The following HDAC4 variants were observed in gnomAD, a reference collection of about 807,000 sequenced individuals.
HDAC4 encodes the protein histone deacetylase 4, also known as histone deacetylase A.
In HDAC4, 16 loss-of-function variants were observed where a neutral mutation model predicts 135.1. That is an observed-to-expected ratio of 0.12 (90% CI 0.08 to 0.18). HDAC4 has a LOEUF of 0.18. Ranked by LOEUF, HDAC4 falls within the 10% of genes least tolerant of loss-of-function variation. HDAC4 has a pLI of 1.00. For synonymous variants in HDAC4, 685 were observed against 653.4 expected (o/e 1.05, Z -0.74); for missense variants, 1,143 against 1,511.8 (o/e 0.76, Z 4.05).
chr2:239,157,555 C>T (rs1348840210), intron 6 of HDAC4, among the ~76,000 whole-genome samples: 2 of 152,186 alleles, frequency 1.3e-5, no homozygotes, highest in African/African-American at 4.8e-5. Context: ...GGGCTGCCAC[C>T]CGGATGACCA....
intron 7 of HDAC4, among the ~76,000 whole-genome samples, chr2:239,147,983 CT>C (rs1457253818): frequency 6.6e-6 from 1 of 152,196 alleles, no homozygotes; most frequent in Non-Finnish European, 1.5e-5. Flanking sequence ...CGCTTTAACT[CT>C]TAGGGGCCGG....
intron 2 of HDAC4, among the ~76,000 whole-genome samples, chr2:239,286,177 A>C (rs1000127463): frequency 4.6e-5 from 7 of 152,342 alleles, no homozygotes; most frequent in African/African-American, 1.7e-4. Context: ...TACTTGAAAA[A>C]TTTTAAGTAA....
intron 17 of HDAC4, among the ~76,000 whole-genome samples, chr2:239,093,095 G>C: frequency 6.6e-6 from 1 of 152,206 alleles, no homozygotes; most frequent in East Asian, 1.9e-4. Context: ...CGCTGGGCGA[G>C]GCCGAGCAGG....
intron 4 of HDAC4, among the ~76,000 whole-genome samples, chr2:239,181,697 C>A (rs2044163416): frequency 6.6e-6 from 1 of 152,206 alleles, no homozygotes; most frequent in Non-Finnish European, 1.5e-5. Context: ...GCTGATAAAA[C>A]CTGCTCCACC....
At chr2:239,183,572 C>T (rs1443918094) in intron 4 of HDAC4, among the ~76,000 whole-genome samples, 4 of 152,238 alleles carry the variant, frequency 2.6e-5, no homozygotes, top group Non-Finnish European at 4.4e-5. Context: ...CCCACTGCCA[C>T]GTGCATGTGC....
At chr2:239,063,264 G>T (rs1280447404) in intron 24 of HDAC4, among the ~76,000 whole-genome samples, 1 of 151,742 alleles carries the variant, frequency 6.6e-6, no homozygotes, top group Non-Finnish European at 1.5e-5. Context: ...GTGGTGGCGC[G>T]ATCTCGGCTC....
chr2:239,190,090 C>T lies in HDAC4; in HGVS notation c.95-13G>A. On this transcript the variant is annotated splice_polypyrimidine_tract_variant and intron_variant, in intron 3 of 26. Transcript: ENST00000543185. ...GTGGCCACATCCACTGTGGGAAAAA[C>T]AAGCAGGAGAGCCGGTCACTGCCGC... 6.3e-7 allele frequency: 1 copy of T among 1,596,774 alleles called. No individual in the cohort carries two copies. Among genetic ancestry groups the T allele is most frequent in the South Asian group, 1.1e-5 (1 of 90,862 alleles).
At chr2:239,343,016 A>T (rs1229720213) in intron 2 of HDAC4, among the ~76,000 whole-genome samples, 2 of 152,190 alleles carry the variant, frequency 1.3e-5, no homozygotes, top group Admixed American at 6.5e-5. Flanking sequence ...CAAACATGAA[A>T]ATAACGCCCC....
chr2:239,221,283 G>A (rs559785182), intron 3 of HDAC4, among the ~76,000 whole-genome samples: 1 of 152,268 alleles, frequency 6.6e-6, no homozygotes, highest in South Asian at 2.1e-4. Flanking sequence ...GTGCACAGGA[G>A]CGGGGGACAC....
Position 239,082,133 on chromosome 2 carries a change from T to C in HDAC4, c.2621A>G (p.Asn874Ser). The C allele has an allele frequency of 1.2e-6, 2 of 1,613,914 alleles. No individual in the cohort carries two copies. Among genetic ancestry groups the C allele is most frequent in the Non-Finnish European group, 1.7e-6 (2 of 1,179,928 alleles). Residue 874 changes from asparagine to serine, a missense_variant, in exon 21 of 27, where the codon AAC becomes AGC. Physicochemically the swap from Asn to Ser is conservative, Grantham distance 46 (BLOSUM62 1). Transcript: ENST00000543185. ...AGGAGCCCCGCTGCCTGGGAAGAAG[T>C]TCCCATCGTCGTAGCGGTGGAGGGA... ...YMSLHRYDDG[N>S]FFPGSGAPDE...
chr2:239,134,972 G>A (rs923099564), intron 9 of HDAC4, among the ~76,000 whole-genome samples: 4 of 152,222 alleles, frequency 2.6e-5, no homozygotes, highest in Admixed American at 6.5e-5. Context: ...TTACAATGCC[G>A]TTTTGCAGTT....
Position 239,318,873 on chromosome 2 carries a change from G to T in HDAC4, c.22+33805C>A, listed in dbSNP as rs1316253419. On this transcript the variant is annotated intron_variant, in intron 2 of 26. Coordinates refer to ENST00000543185, the MANE Select transcript of HDAC4 (RefSeq NM_001378414.1). ...AGGAAGTCCAAAAAAATATCAACAGGGGTAAGTGAAAACGCTTACAAAAAT... is the reference window on the plus strand; with the variant it reads ...AGGAAGTCCAAAAAAATATCAACAGTGGTAAGTGAAAACGCTTACAAAAAT... Among the ~76,000 whole-genome samples the T allele has an allele frequency of 3.9e-5, 6 of 152,134 alleles. No individual in the cohort carries two copies. The East Asian group carries it at 1.2e-3, about 29-fold the overall frequency.
intron 2 of HDAC4, among the ~76,000 whole-genome samples, chr2:239,266,696 C>G (rs142513854): frequency 1.6e-4 from 25 of 152,326 alleles, no homozygotes; most frequent in Admixed American, 8.5e-4. Context: ...CCACATTCTA[C>G]ATCTGCCTCT....
intron 1 of HDAC4, among the ~76,000 whole-genome samples, chr2:239,353,274 C>T (rs1189012437): frequency 3.9e-5 from 6 of 152,220 alleles, no homozygotes; most frequent in Non-Finnish European, 7.3e-5. Flanking sequence ...CTCAGCCTCC[C>T]AAAGTGCTGG....
intron 2 of HDAC4, among the ~76,000 whole-genome samples, chr2:239,286,192 T>A (rs2051126565): frequency 6.6e-6 from 1 of 152,030 alleles, no homozygotes; most frequent in African/African-American, 2.4e-5. Context: ...AAGTAATGAA[T>A]CAGAGGAAGC....
intron 3 of HDAC4, among the ~76,000 whole-genome samples, chr2:239,218,122 A>G (rs2046745706): frequency 2.0e-5 from 3 of 152,074 alleles, no homozygotes; most frequent in Admixed American, 6.6e-5. Flanking sequence ...CAGAATATAA[A>G]ATTGGATGAA....
rs116130954 is a variant in HDAC4 at position 239,120,464 on chromosome 2, T to A, written c.1534-5154A>T. On this transcript the variant is annotated intron_variant, in intron 12 of 26. Coordinates refer to ENST00000543185, the MANE Select transcript of HDAC4 (RefSeq NM_001378414.1). ...ACAGACATGCAGATACATATACACATGAAGAGACAGATACACAGATACACA... is the reference window on the plus strand; with the variant it reads ...ACAGACATGCAGATACATATACACAAGAAGAGACAGATACACAGATACACA... Among the ~76,000 whole-genome samples the A allele has an allele frequency of 3.3e-3, 495 of 150,074 alleles. 1 individual carries two copies. The highest frequency in any genetic ancestry group is 0.024 in the Middle Eastern group (7 of 292).
intron 4 of HDAC4, among the ~76,000 whole-genome samples, chr2:239,187,682 C>G (rs1392878496): frequency 1.3e-5 from 2 of 152,192 alleles, no homozygotes; most frequent in African/African-American, 4.8e-5. Context: ...AGACTGTGTC[C>G]TCTCTCATGT....
chr2:239,335,945 G>C (rs1304985667), intron 2 of HDAC4, among the ~76,000 whole-genome samples: 1 of 152,080 alleles, frequency 6.6e-6, no homozygotes, highest in Non-Finnish European at 1.5e-5. Flanking sequence ...TGTTACAGTA[G>C]CATTATACAT....
Sources: gnomAD v4.1 joint callset for allele counts (sites outside exome capture counted in the v4.1 genomes callset) on GRCh38, gnomAD v4.1.1 for gene constraint, MANE v1.5 for transcripts, NCBI Gene and HGNC (gene_info 2026-07-23, HGNC 2026-07-21) for gene names.